Variants in NID2 observed in about 807,000 individuals in gnomAD.
The protein encoded by NID2 is nidogen-2.
Under a neutral mutation model 145.4 loss-of-function variants are expected in NID2, and 83 were observed. That is an observed-to-expected ratio of 0.57 (90% CI 0.48 to 0.69). The LOEUF is 0.69. Ranked by LOEUF, NID2 falls within the 30% of genes least tolerant of loss-of-function variation. The probability of loss-of-function intolerance (pLI) is 0.00; values close to 1 mark genes in which losing one functional copy is unlikely to be tolerated. For missense variants in NID2, 1,807 were observed against 1,765.7 expected (o/e 1.02, Z -0.42); for synonymous variants, 739 against 701.3 (o/e 1.05, Z -0.85).
intron 5 of NID2, among the ~76,000 whole-genome samples, chr14:52,045,402 G>C (rs1465193761): frequency 6.6e-6 from 1 of 152,132 alleles, no homozygotes; most frequent in Non-Finnish European, 1.5e-5. Flanking sequence ...TAGGAATGAA[G>C]TTATGACTCA....
At position 52,038,883 on chromosome 14, in the gene NID2, C is replaced by T; in HGVS notation, c.2121G>A (p.Gln707=). 1 of 1,614,106 alleles carries T rather than the reference C, an allele frequency of 6.2e-7. No homozygotes were observed. Among genetic ancestry groups the T allele is most frequent in the Non-Finnish European group, 8.5e-7 (1 of 1,180,024 alleles). The part of the protein sequence containing the change: ...SYRIHQNITY[Q]VCRHAPRHPS... ...GGTGTCTGGGGGCGTGCCTGCACAC[C>T]TGGTAAGTGATGTTCTGGTGGATGC... is the stretch of plus-strand genomic sequence containing the variant. The change falls in exon 9 of 22, where the codon CAG becomes CAA. Residue 707 remains glutamine (Q), a synonymous_variant. Transcript: ENST00000216286.
Position 52,019,288 on chromosome 14 carries a change from G to C in NID2, c.2801C>G (p.Thr934Ser). Residue 934 changes from threonine to serine, a missense_variant, in exon 14 of 22, where the codon ACC becomes AGC. Coordinates refer to ENST00000216286, the MANE Select transcript of NID2 (RefSeq NM_007361.4). The part of the protein sequence containing the change: ...GDGFQCIPDS[T>S]SSLTPCEQQQ... ...TTGTTCACAGGGTGTCAGGCTTGAG[G>C]TGGAGTCTTCCAGGATCAAGGCAGA... 1 of 1,584,228 alleles carries C rather than the reference G, an allele frequency of 6.3e-7. No individual in the cohort carries two copies. The highest frequency in any genetic ancestry group is 1.1e-5 in the South Asian group (1 of 89,046).
At chr14:52,044,942 G>A (rs189858626) in intron 5 of NID2, among the ~76,000 whole-genome samples, 36 of 152,162 alleles carry the variant, frequency 2.4e-4, no homozygotes, top group Middle Eastern at 3.4e-3. Context: ...TTTTTAACCC[G>A]TTTGCAGATA....
chr14:52,067,681 T>C (rs1313790914), intron 2 of NID2, among the ~76,000 whole-genome samples, 177 bp downstream of exon 2: 4 of 152,188 alleles, frequency 2.6e-5, no homozygotes, highest in Admixed American at 6.5e-5. Flanking sequence ...CCTCAGAAGA[T>C]GCCTAGAGAC....
In NID2 at chr14:52,068,887, G is replaced by A. The variant is rs746893664; in HGVS notation, c.108C>T (p.Leu36=). The change falls in exon 1 of 22, where the codon CTC becomes CTT. Residue 36 remains leucine (L), a synonymous_variant. Coordinates refer to ENST00000216286, the MANE Select transcript of NID2 (RefSeq NM_007361.4). ...CCCCCCACGACTCCCCGTGTGGGAA[G>A]AGCTCGTCTGGGTGCAGCGCCGCGG... ...LRAAALHPDE[L]FPHGESWGDQ... 6.2e-7 allele frequency: 1 copy of A among 1,613,974 alleles called. No individual in the cohort carries two copies. Among genetic ancestry groups the A allele is most frequent in the Non-Finnish European group, 8.5e-7 (1 of 1,180,052 alleles).
Position 52,042,905 on chromosome 14 carries a change from C to T in NID2, c.1456G>A (p.Glu486Lys), listed in dbSNP as rs772595197. The change falls in exon 6 of 22, where the codon GAA becomes AAA. Residue 486 changes from glutamate (E) to lysine (K), a missense_variant. By Grantham distance (56) the Glu-to-Lys change is moderately conservative. Coordinates refer to ENST00000216286, the MANE Select transcript of NID2 (RefSeq NM_007361.4). ...EVFTYNAANKETCEHNHRQCS... is the reference protein window; with the variant it reads ...EVFTYNAANKKTCEHNHRQCS... ...TGTCTGTGGTTGTGTTCACAGGTTTCCTTGTTGGCAGCATTATACGTGAAG... is the reference window on the plus strand; with the variant it reads ...TGTCTGTGGTTGTGTTCACAGGTTTTCTTGTTGGCAGCATTATACGTGAAG... 8.1e-5 allele frequency: 130 copies of T among 1,614,064 alleles called. No homozygotes were observed. In the Admixed American group the frequency reaches 2.1e-3, roughly 26 times the overall value.
chr14:52,013,231 C>T (rs560687589), intron 16 of NID2, among the ~76,000 whole-genome samples: 1 of 152,300 alleles, frequency 6.6e-6, no homozygotes, highest in Admixed American at 6.5e-5. Flanking sequence ...CTACCATCAC[C>T]ACCCTGTCCT....
rs1198263861 is a variant in NID2 at position 52,031,487 on chromosome 14, TG to T, written c.2258-1798del. On this transcript the variant is annotated intron_variant, in intron 9 of 21. Transcript: ENST00000216286. ...AGATTTCCAGAGCCCCAGCTAAGCC[TG>T]TCAGGTTCTACATTGAGCCATCTCT... 2.6e-5 allele frequency among the ~76,000 whole-genome samples: 4 copies of T among 152,286 alleles called. No homozygotes were observed. In the South Asian group the frequency reaches 8.3e-4, roughly 32 times the overall value.
intron 12 of NID2, 53 bp from the exon 13 acceptor site, chr14:52,020,231 A>T (rs1891354246): frequency 2.5e-6 from 4 of 1,607,580 alleles, no homozygotes; most frequent in Non-Finnish European, 3.4e-6. Context: ...GACTTCACTC[A>T]CACAATCTGT....
chr14:52,045,627 A>G (rs996271665), intron 5 of NID2, among the ~76,000 whole-genome samples: 4 of 151,296 alleles, frequency 2.6e-5, no homozygotes, highest in Non-Finnish European at 2.9e-5. Flanking sequence ...ATCACTGTCT[A>G]TTAGTTTAAG....
intron 5 of NID2, among the ~76,000 whole-genome samples, chr14:52,044,013 C>G (rs1471806138): frequency 6.6e-6 from 1 of 152,106 alleles, no homozygotes; most frequent in East Asian, 1.9e-4. Flanking sequence ...GACACCCACC[C>G]TACTCTTAGG....
intron 16 of NID2, 54 bp downstream of exon 16, chr14:52,014,233 C>T (rs530124482): frequency 3.1e-6 from 5 of 1,610,230 alleles, no homozygotes; most frequent in Admixed American, 3.3e-5. Flanking sequence ...TGTGAGGTGG[C>T]TCCCACTGGG....
chr14:52,018,098 T>C (rs931501393), intron 14 of NID2, among the ~76,000 whole-genome samples: 17 of 152,222 alleles, frequency 1.1e-4, no homozygotes, highest in Admixed American at 7.2e-4. Flanking sequence ...ATTACAGGCA[T>C]GAGCCACCAT....
intron 10 of NID2, 79 bp downstream of exon 10, chr14:52,029,468 T>C: frequency 7.2e-7 from 1 of 1,381,514 alleles, no homozygotes; most frequent in South Asian, 1.4e-5. Context: ...CAGATACTTG[T>C]CTTCTACAGA....
At chr14:52,041,242 A>G (rs936040805) in intron 7 of NID2, among the ~76,000 whole-genome samples, 14 of 152,222 alleles carry the variant, frequency 9.2e-5, no homozygotes, top group African/African-American at 2.9e-4. Flanking sequence ...AATTTCAGAT[A>G]AGTATGTCTC....
intron 9 of NID2, among the ~76,000 whole-genome samples, chr14:52,034,339 G>C (rs928404618): frequency 6.6e-6 from 1 of 152,124 alleles, no homozygotes; most frequent in African/African-American, 2.4e-5. Flanking sequence ...TTACAGATCA[G>C]ATGCCTACAC....
intron 5 of NID2, 49 bp downstream of exon 5, chr14:52,053,530 C>T (rs1298658053): frequency 6.4e-7 from 1 of 1,553,240 alleles, no homozygotes; most frequent in African/African-American, 1.4e-5. Flanking sequence ...TATGCAAAAC[C>T]AGCATGGTTA....
chr14:52,055,528 C>T (rs1429186190), intron 3 of NID2, among the ~76,000 whole-genome samples: 1 of 152,172 alleles, frequency 6.6e-6, no homozygotes, highest in African/African-American at 2.4e-5. Flanking sequence ...ACAGCTCTCT[C>T]GTTTTCTCCA....
chr14:52,027,169 C>T (rs1373277539), intron 12 of NID2, 32 bp downstream of exon 12: 17 of 1,438,158 alleles, frequency 1.2e-5, no homozygotes, highest in Non-Finnish European at 1.5e-5. Flanking sequence ...AAGCAACTTT[C>T]CAGTCATTGA....
Sources: allele counts gnomAD v4.1 joint callset (sites outside exome capture counted in the v4.1 genomes callset), GRCh38; gene constraint gnomAD v4.1.1; transcripts MANE v1.5; gene names NCBI Gene and HGNC (gene_info 2026-07-23, HGNC 2026-07-21).